Variants in GABRG3 observed in about 807,000 individuals in gnomAD.
The protein encoded by GABRG3 is gamma-aminobutyric acid type A receptor subunit gamma3.
In GABRG3, 25 loss-of-function variants were observed where a neutral mutation model predicts 48.8. The observed-to-expected ratio is 0.51, with a 90% CI of 0.37 to 0.72. The LOEUF (loss-of-function observed/expected upper bound fraction) is 0.72, where lower values mean the gene tolerates loss of function less well. Ranked by LOEUF, GABRG3 falls within the 30% of genes least tolerant of loss-of-function variation. The probability of loss-of-function intolerance (pLI) is 0.00; values close to 1 mark genes in which losing one functional copy is unlikely to be tolerated. For missense variants in GABRG3, 394 were observed against 577.9 expected (o/e 0.68, Z 3.26); for synonymous variants, 227 against 217.6 (o/e 1.04, Z -0.38).
intron 5 of GABRG3, among the ~76,000 whole-genome samples, chr15:27,330,057 C>T (rs912612710): frequency 2.0e-4 from 31 of 152,118 alleles, no homozygotes; most frequent in African/African-American, 5.8e-4. Context: ...CTGGCTAACA[C>T]GGTGAAACCC....
intron 3 of GABRG3, among the ~76,000 whole-genome samples, chr15:27,101,172 G>C (rs770912154): frequency 2.0e-5 from 3 of 152,122 alleles, no homozygotes; most frequent in Non-Finnish European, 4.4e-5. Flanking sequence ...CAAAAATCAT[G>C]TGAAAACCAA....
At chr15:27,458,928 G>A (rs1047961071) in intron 5 of GABRG3, among the ~76,000 whole-genome samples, 8 of 152,174 alleles carry the variant, frequency 5.3e-5, no homozygotes, top group Admixed American at 1.3e-4. Context: ...TCTCTGTCCC[G>A]TCTCCGGCAC....
intron 3 of GABRG3, among the ~76,000 whole-genome samples, chr15:27,184,020 G>A (rs896072486): frequency 1.3e-5 from 2 of 152,124 alleles, no homozygotes; most frequent in African/African-American, 4.8e-5. Flanking sequence ...GTTTATTAAC[G>A]TGTATTTCAT....
intron 3 of GABRG3, chr15:27,208,461 C>G: frequency 5.3e-6 from 1 of 187,468 alleles, no homozygotes; most frequent in African/African-American, 2.4e-5. Context: ...GTATTCAGGG[C>G]ATGAATACTG....
At chr15:27,390,660 C>T (rs1004679526) in intron 5 of GABRG3, among the ~76,000 whole-genome samples, 4 of 152,088 alleles carry the variant, frequency 2.6e-5, no homozygotes, top group African/African-American at 9.7e-5. Context: ...CTGGTCAGAG[C>T]CAGAGATCAC....
intron 4 of GABRG3, among the ~76,000 whole-genome samples, chr15:27,327,604 C>T (rs958129087): frequency 6.6e-6 from 1 of 152,208 alleles, no homozygotes. Context: ...CACACAGCAA[C>T]ACAGCACTAG....
chr15:27,338,244 G>T (rs1438735177), intron 5 of GABRG3, among the ~76,000 whole-genome samples: 1 of 152,066 alleles, frequency 6.6e-6, no homozygotes, highest in African/African-American at 2.4e-5. Flanking sequence ...TTTTGATACT[G>T]GTACCCTAAA....
intron 3 of GABRG3, among the ~76,000 whole-genome samples, chr15:27,071,340 C>T (rs192528878): frequency 7.2e-5 from 11 of 152,296 alleles, no homozygotes; most frequent in Admixed American, 2.6e-4. Context: ...CCAGTCGCCT[C>T]GGACAGCGCT....
rs368888642 is a variant in GABRG3 at position 27,046,170 on chromosome 15, C to T, written c.270+19349C>T. Reference sequence around the variant, plus strand: ...GTGCAATGGCACGATCTCAGCTCACCGCAACGTCCGTCTCCGGGGTTCAAG... The same window carrying T: ...GTGCAATGGCACGATCTCAGCTCACTGCAACGTCCGTCTCCGGGGTTCAAG... On this transcript the variant is annotated intron_variant, in intron 3 of 9. Transcript: ENST00000615808. 7.2e-5 allele frequency among the ~76,000 whole-genome samples: 11 copies of T among 152,122 alleles called. No homozygotes were observed. In the South Asian group the frequency reaches 1.3e-3, roughly 17 times the overall value.
Position 27,375,432 on chromosome 15 carries a change from TC to T in GABRG3, c.574+46547del, listed in dbSNP as rs560984594. Among the ~76,000 whole-genome samples, 1,194 of 152,236 alleles carry T rather than the reference TC, an allele frequency of 7.8e-3. 14 individuals carry two copies. The highest frequency in any genetic ancestry group is 0.027 in the African/African-American group (1,109 of 41,534). ...ATACTTTGGGCTATTGGTTGATAAGTCCCAGCAAAGCATCAGACGGAGAGTT... is the reference window on the plus strand; with the variant it reads ...ATACTTTGGGCTATTGGTTGATAAGTCCAGCAAAGCATCAGACGGAGAGTT... On this transcript the variant is annotated intron_variant, in intron 5 of 9. Transcript: ENST00000615808.
In GABRG3 at chr15:26,974,839, T is replaced by A. The variant is rs900838243; in HGVS notation, c.54-2163T>A. On this transcript the variant is annotated intron_variant, in intron 1 of 9. Transcript: ENST00000615808. The surrounding 1 kb of genome is among the most constrained non-coding windows in gnomAD (Gnocchi z 4.3). The stretch of plus-strand genomic sequence containing the variant: ...ATTTCAGATGACACGAAATATTTTT[T>A]AAATTTATTATTATTATTATTATTA... Among the ~76,000 whole-genome samples the A allele has an allele frequency of 1.5e-5, 2 of 135,552 alleles. No homozygotes were observed. The highest frequency in any genetic ancestry group is 8.1e-5 in the Admixed American group (1 of 12,316). The allele number at this position is 135,552 out of a possible 152,430, so 88.9% of individuals were successfully genotyped here. A position where few individuals can be genotyped will look rare whatever the true frequency, so the allele number is the denominator to read the frequency against.
At chr15:27,532,427 C>CAAAAAAAAA (rs374534463) in intron 9 of GABRG3, among the ~76,000 whole-genome samples, 173 bp from the exon 10 acceptor site, 1 of 74,686 alleles carries the variant, frequency 1.3e-5, no homozygotes, top group African/African-American at 4.6e-5. Context: ...TCCTTAAAAC[C>CAAAAAAAAA]AAAAAAAAAA....
chr15:27,234,114 T>C (rs1889885419), intron 3 of GABRG3, among the ~76,000 whole-genome samples: 1 of 152,228 alleles, frequency 6.6e-6, no homozygotes, highest in Non-Finnish European at 1.5e-5. Flanking sequence ...TGTAATTATG[T>C]TGAAAAGGAA....
At chr15:27,346,101 AAG>A (rs776454262) in intron 5 of GABRG3, among the ~76,000 whole-genome samples, 132,391 of 134,548 alleles carry the variant, frequency 0.98, 65,472 homozygotes, top group South Asian at 1. Flanking sequence ...AAAGAAAGGA[AAG>A]AAAGAGAAAG....
intron 3 of GABRG3, among the ~76,000 whole-genome samples, chr15:27,262,819 AT>A (rs528030348): frequency 6.6e-6 from 1 of 152,296 alleles, no homozygotes; most frequent in Admixed American, 6.5e-5. Flanking sequence ...AAATAAATAC[AT>A]TTTTTTAAAT....
At chr15:27,372,971 A>G (rs557457313) in intron 5 of GABRG3, among the ~76,000 whole-genome samples, 6 of 152,252 alleles carry the variant, frequency 3.9e-5, no homozygotes, top group Non-Finnish European at 7.4e-5. Flanking sequence ...CCAGCAAGCT[A>G]TTTTCTCAGC....
intron 5 of GABRG3, among the ~76,000 whole-genome samples, chr15:27,371,332 C>T (rs1420606503): frequency 6.6e-6 from 1 of 152,054 alleles, no homozygotes; most frequent in Admixed American, 6.6e-5. Context: ...CTGCAGTTCC[C>T]CAGTTGTGAA....
rs1033313328 is a variant in GABRG3, at chr15:27,352,455, G to C, written c.574+23567G>C. 6.6e-6 allele frequency among the ~76,000 whole-genome samples: 1 copy of C among 152,046 alleles called. No homozygotes were observed. The highest frequency in any genetic ancestry group is 1.5e-5 in the Non-Finnish European group (1 of 68,006). On this transcript the variant is annotated intron_variant, in intron 5 of 9. Coordinates refer to ENST00000615808, the MANE Select transcript of GABRG3 (RefSeq NM_033223.5). This position sits in a 1 kb window ranked among gnomAD's most constrained non-coding sequence, Gnocchi z 4.0. ...ATGTAAATCCAGGGTGAGCCAAGCA[G>C]ATTGATAGTCTTCTAATTAGTACGA... is the stretch of plus-strand genomic sequence containing the variant.
rs947155072 is a variant in GABRG3, at chr15:27,164,838, G to A, written c.270+138017G>A. Among the ~76,000 whole-genome samples, 35 of 152,168 alleles carry A rather than the reference G, an allele frequency of 2.3e-4. 2 individuals carry two copies. Among genetic ancestry groups the A allele is most frequent in the Non-Finnish European group, 2.9e-5 (2 of 68,038 alleles). ...AAAGGGGATCTTCTCATCATAATCT[G>A]TACACATTCGTTAGTTCTTTACAAA... is the stretch of plus-strand genomic sequence containing the variant. On this transcript the variant is annotated intron_variant, in intron 3 of 9. Transcript: ENST00000615808.
Sources: gnomAD v4.1 joint callset for allele counts (sites outside exome capture counted in the v4.1 genomes callset) on GRCh38, gnomAD v4.1.1 for gene constraint, Gnocchi (gnomAD v3.1) non-coding constraint, MANE v1.5 for transcripts, NCBI Gene and HGNC (gene_info 2026-07-23, HGNC 2026-07-21) for gene names.